EYS: variants seen among roughly 807,000 people sequenced by gnomAD.
The protein encoded by EYS is protein eyes shut homolog.
In EYS, 250 loss-of-function variants were observed where a neutral mutation model predicts 282.1. The ratio of observed to expected loss-of-function variants is 0.89; its 90% confidence interval spans 0.80 to 0.98. EYS has a LOEUF of 0.98. Ranked by LOEUF, EYS falls within the 50% of genes least tolerant of loss-of-function variation. The probability of loss-of-function intolerance (pLI) is 0.00; values close to 1 mark genes in which losing one functional copy is unlikely to be tolerated. For synonymous variants in EYS, 1,355 were observed against 1,282.9 expected (o/e 1.06, Z -1.20); for missense variants, 4,016 against 3,709.0 (o/e 1.08, Z -2.15).
chr6:64,036,320 G>A (rs959940102), intron 33 of EYS, among the ~76,000 whole-genome samples: 5 of 152,170 alleles, frequency 3.3e-5, no homozygotes, highest in South Asian at 2.1e-4. Context: ...CAGGAGCTAC[G>A]TCTCAGATCA....
At chr6:65,151,095 A>G (rs1008173448) in intron 12 of EYS, among the ~76,000 whole-genome samples, 3 of 152,008 alleles carry the variant, frequency 2.0e-5, no homozygotes, top group Non-Finnish European at 2.9e-5. Flanking sequence ...TTTTAGTATG[A>G]CATTTTTGAC....
intron 35 of EYS, among the ~76,000 whole-genome samples, chr6:63,872,068 T>C (rs1353559656): frequency 3.3e-5 from 5 of 152,066 alleles, no homozygotes; most frequent in Non-Finnish European, 5.9e-5. Context: ...TCCTGGACCT[T>C]ATAGTGAGTG....
chr6:64,222,596 A>T (rs954052134), intron 31 of EYS, among the ~76,000 whole-genome samples: 1 of 152,038 alleles, frequency 6.6e-6, no homozygotes, highest in Non-Finnish European at 1.5e-5. Flanking sequence ...ATAGTATAAT[A>T]CAAAAATATT....
At chr6:64,458,344 A>G (rs1183273310) in intron 26 of EYS, among the ~76,000 whole-genome samples, 1 of 152,074 alleles carries the variant, frequency 6.6e-6, no homozygotes, top group African/African-American at 2.4e-5. Context: ...TTAGCATTTC[A>G]TCTAAAACAA....
At position 63,720,626 on chromosome 6, in the gene EYS, A is replaced by G. The variant is rs137853190; in HGVS notation, c.9405T>C (p.Tyr3135=). 1 of 1,507,130 alleles carries G rather than the reference A, an allele frequency of 6.6e-7. No individual in the cohort carries two copies. The highest frequency in any genetic ancestry group is 8.9e-7 in the Non-Finnish European group (1 of 1,126,140). The allele number at this position is 1,507,130 out of a possible 1,614,324, so 93.4% of individuals were successfully genotyped here. Residue 3135 remains tyrosine (Y), a synonymous_variant, in exon 43 of 43, where the codon TAT becomes TAC. Transcript: ENST00000503581. The stretch of plus-strand genomic sequence containing the variant: ...TAACCTCATTTTGTTCATCTCCATC[A>G]TAAACATTGTATCCTTCTAATTTAA... ...ELIKLEGYNV[Y]DGDEQNEVT
At chr6:64,058,416 C>T (rs181389598) in intron 33 of EYS, among the ~76,000 whole-genome samples, 167 of 152,242 alleles carry the variant, frequency 1.1e-3, no homozygotes, top group African/African-American at 3.9e-3. Flanking sequence ...AAGTCTCTTT[C>T]CTGATAGTCA....
At chr6:65,187,531 C>G (rs1409412407) in intron 12 of EYS, among the ~76,000 whole-genome samples, 1 of 151,586 alleles carries the variant, frequency 6.6e-6, no homozygotes. Context: ...ATAATTCCAA[C>G]TTTTTCATGC....
chr6:64,793,298 T>TA (rs1774246821), intron 22 of EYS, among the ~76,000 whole-genome samples: 2 of 152,172 alleles, frequency 1.3e-5, no homozygotes, highest in South Asian at 4.1e-4. Flanking sequence ...GTAAATTATA[T>TA]GCTATAAAAT....
chr6:64,900,549 T>A (rs1005717364), intron 18 of EYS, among the ~76,000 whole-genome samples: 1 of 150,822 alleles, frequency 6.6e-6, no homozygotes, highest in Non-Finnish European at 1.5e-5. Context: ...AAACAAACAA[T>A]CCCATCAAAA....
intron 2 of EYS, among the ~76,000 whole-genome samples, chr6:65,554,995 T>C (rs1768742928): frequency 7.3e-6 from 1 of 136,350 alleles, no homozygotes; most frequent in Non-Finnish European, 1.6e-5. Flanking sequence ...TTTTGTACTG[T>C]AACTTTACAC....
intron 22 of EYS, among the ~76,000 whole-genome samples, chr6:64,669,403 A>AAGAG (rs199730492): frequency 6.6e-6 from 1 of 151,390 alleles, no homozygotes; most frequent in Non-Finnish European, 1.5e-5. Flanking sequence ...GGGAAAGATG[A>AAGAG]AGAGAGAGAG....
chr6:64,426,954 G>T (rs1224622468), intron 28 of EYS, among the ~76,000 whole-genome samples: 1 of 151,836 alleles, frequency 6.6e-6, no homozygotes, highest in Non-Finnish European at 1.5e-5. Context: ...TTATTGCATT[G>T]TTTCAAATGA....
At chr6:64,373,054 T>A (rs148261622) in intron 29 of EYS, among the ~76,000 whole-genome samples, 2 of 152,338 alleles carry the variant, frequency 1.3e-5, no homozygotes, top group Admixed American at 1.3e-4. Context: ...CTTAATTATG[T>A]TTCTGACATT....
chr6:64,151,058 TATATTTTTGTTTAAGTATACAA>T (rs541458266), intron 31 of EYS, among the ~76,000 whole-genome samples: 50 of 151,956 alleles, frequency 3.3e-4, no homozygotes, highest in African/African-American at 1.1e-3. Flanking sequence ...ATGACATATG[TATATTTTTGTTTAAGTATACAA>T]ATATTTTTGT....
intron 2 of EYS, among the ~76,000 whole-genome samples, chr6:65,538,157 T>C (rs1399776495): frequency 6.6e-6 from 1 of 152,188 alleles, no homozygotes; most frequent in Admixed American, 6.5e-5. Flanking sequence ...TGGTGGACAA[T>C]TATTACAATC....
At chr6:64,132,544 T>C (rs1774015353) in intron 31 of EYS, among the ~76,000 whole-genome samples, 1 of 151,948 alleles carries the variant, frequency 6.6e-6, no homozygotes, top group South Asian at 2.1e-4. Flanking sequence ...ACATAATTAT[T>C]CAACATTATA....
intron 35 of EYS, among the ~76,000 whole-genome samples, chr6:63,923,356 G>T (rs1018609080): frequency 1.3e-5 from 2 of 152,060 alleles, no homozygotes; most frequent in Non-Finnish European, 2.9e-5. Context: ...GAAGCAAAGA[G>T]TAAGTTAACG....
intron 32 of EYS, among the ~76,000 whole-genome samples, chr6:64,071,630 C>T (rs995355671): frequency 2.0e-5 from 3 of 148,220 alleles, no homozygotes; most frequent in South Asian, 2.2e-4. Context: ...AAACACATGT[C>T]ATTTAGCATT....
At chr6:65,104,511 A>C (rs1052442030) in intron 12 of EYS, among the ~76,000 whole-genome samples, 1 of 151,472 alleles carries the variant, frequency 6.6e-6, no homozygotes, top group Non-Finnish European at 1.5e-5. Context: ...AAAGTTTTTA[A>C]AATGTAAGAA....
Sources: gnomAD v4.1 joint callset for allele counts (sites outside exome capture counted in the v4.1 genomes callset) on GRCh38, gnomAD v4.1.1 for gene constraint, MANE v1.5 for transcripts, NCBI Gene and HGNC (gene_info 2026-07-23, HGNC 2026-07-21) for gene names.